ARHGEF10: variants seen among roughly 807,000 people sequenced by gnomAD.
ARHGEF10 encodes the protein Rho guanine nucleotide exchange factor 10.
In ARHGEF10, 140 loss-of-function variants were observed where a neutral mutation model predicts 147.4. The ratio of observed to expected loss-of-function variants is 0.95; its 90% confidence interval spans 0.83 to 1.09. The LOEUF is 1.09. Among genes scored for constraint, ARHGEF10 ranks in the 50% least tolerant of loss-of-function variants. ARHGEF10 has a pLI of 0.00. For synonymous variants in ARHGEF10, 902 were observed against 695.8 expected, an observed-to-expected ratio of 1.30 and a Z score of -4.67; for missense variants, 2,222 against 1,752.7, an observed-to-expected ratio of 1.27 and a Z score of -4.78.
intron 9 of ARHGEF10, among the ~76,000 whole-genome samples, chr8:1,881,887 G>A (rs1347363042): frequency 6.6e-6 from 1 of 152,172 alleles, no homozygotes; most frequent in Non-Finnish European, 1.5e-5. Flanking sequence ...TTTTAAAGAC[G>A]AAATCACTCA....
At chr8:1,854,933 C>G (rs548649304) in intron 2 of ARHGEF10, among the ~76,000 whole-genome samples, 4 of 152,018 alleles carry the variant, frequency 2.6e-5, no homozygotes, top group African/African-American at 9.7e-5. Context: ...ATGCACTGTC[C>G]CAGGTAATCC....
rs746051457 is a variant in ARHGEF10 at position 1,857,974 on chromosome 8, TATG to T, written c.55_57del (p.Asp19del). The stretch of plus-strand genomic sequence containing the variant: ...TTTCTTTTTAGAAAATGAAATGAAA[TATG>T]ATACCAATAATAATGAAGAGGAAGA... On this transcript the variant is annotated inframe_deletion, in exon 3 of 29. Transcript: ENST00000349830. 4.3e-6 allele frequency: 7 copies of T among 1,613,786 alleles called. No homozygotes were observed. The highest frequency in any genetic ancestry group is 1.7e-5 in the Admixed American group (1 of 59,976).
chr8:1,923,911 G>T, intron 21 of ARHGEF10, 37 bp downstream of exon 21: 4 of 1,591,940 alleles, frequency 2.5e-6, no homozygotes, highest in Non-Finnish European at 3.4e-6. Flanking sequence ...TGAGGCATGC[G>T]GCGTGATGAT....
rs568273442 is a variant in ARHGEF10, at chr8:1,842,372, T to C, written c.-47-981T>C. Among the ~76,000 whole-genome samples the C allele has an allele frequency of 2.0e-5, 3 of 152,304 alleles. No homozygotes were observed. The South Asian group carries it at 6.2e-4, about 32-fold the overall frequency. ...AGGATAAGGGAATTCGCCGGCCTGGTGGCGTCCTGGGTGTGTGTCAGGCAG... is the reference window on the plus strand; with the variant it reads ...AGGATAAGGGAATTCGCCGGCCTGGCGGCGTCCTGGGTGTGTGTCAGGCAG... On this transcript the variant is annotated intron_variant, in intron 1 of 28. Transcript: ENST00000349830.
chr8:1,908,511 C>T (rs1167606642), intron 17 of ARHGEF10, among the ~76,000 whole-genome samples: 3 of 152,122 alleles, frequency 2.0e-5, no homozygotes, highest in South Asian at 2.1e-4. Context: ...GGATTACAGG[C>T]GTGAGCCACC....
intron 26 of ARHGEF10, among the ~76,000 whole-genome samples, chr8:1,942,739 G>C (rs1408168210): frequency 6.6e-6 from 1 of 152,214 alleles, no homozygotes; most frequent in Non-Finnish European, 1.5e-5. Flanking sequence ...TCATACATGA[G>C]GATTGGTTTC....
At chr8:1,850,064 GGCTGCGTGGA>G (rs1563173926) in intron 2 of ARHGEF10, among the ~76,000 whole-genome samples, 1 of 106,558 alleles carries the variant, frequency 9.4e-6, no homozygotes, top group African/African-American at 3.7e-5. Context: ...GGCGTGGGCC[GGCTGCGTGGA>G]CACAGAGGGC....
chr8:1,925,159 G>A, intron 21 of ARHGEF10, 124 bp from the exon 22 acceptor site: 1 of 1,165,342 alleles, frequency 8.6e-7, no homozygotes, highest in African/African-American at 1.5e-5. Context: ...AGTAAAACAT[G>A]GCGTTGTCTG....
At chr8:1,848,196 A>C (rs533220725) in intron 2 of ARHGEF10, among the ~76,000 whole-genome samples, 1 of 152,266 alleles carries the variant, frequency 6.6e-6, no homozygotes. Context: ...TCCTCTCTTC[A>C]GTATCTCTGT....
intron 2 of ARHGEF10, among the ~76,000 whole-genome samples, chr8:1,846,526 G>T (rs1033844260): frequency 5.9e-5 from 9 of 152,012 alleles, no homozygotes; most frequent in African/African-American, 2.2e-4. Context: ...CACTTTTCTG[G>T]TTTTTTTCCC....
intron 2 of ARHGEF10, among the ~76,000 whole-genome samples, chr8:1,850,661 A>C (rs929740507): frequency 1.3e-5 from 2 of 152,132 alleles, no homozygotes; most frequent in Non-Finnish European, 2.9e-5. Flanking sequence ...ACCTGAGCAC[A>C]CTCTTACCGT....
chr8:1,878,340 C>T (rs1807883850), intron 8 of ARHGEF10, among the ~76,000 whole-genome samples: 2 of 152,122 alleles, frequency 1.3e-5, no homozygotes, highest in South Asian at 4.2e-4. Flanking sequence ...TAGGCACCTT[C>T]CACTACCAGC....
chr8:1,859,815 G>C, intron 3 of ARHGEF10, 82 bp from the exon 4 acceptor site: 2 of 1,547,132 alleles, frequency 1.3e-6, no homozygotes, highest in Non-Finnish European at 1.8e-6. Context: ...GCTCATACCT[G>C]CTTCCCACTT....
rs1804331818 is a variant in ARHGEF10, at chr8:1,844,245, C to G, written c.37+809C>G. On this transcript the variant is annotated intron_variant, in intron 2 of 28. Coordinates refer to ENST00000349830, the MANE Select transcript of ARHGEF10 (RefSeq NM_014629.4). Reference sequence around the variant, plus strand: ...TGCTGGGATTTGGTCGTCTGTGCCCCCCAACTACGTGGACACTCTGGGCCC... The same window carrying G: ...TGCTGGGATTTGGTCGTCTGTGCCCGCCAACTACGTGGACACTCTGGGCCC... Among the ~76,000 whole-genome samples, 2 of 152,108 alleles carry G rather than the reference C, an allele frequency of 1.3e-5. 1 individual carries two copies. Among genetic ancestry groups the G allele is most frequent in the South Asian group, 4.2e-4 (2 of 4,818 alleles).
chr8:1,952,612 C>G, intron 27 of ARHGEF10, 93 bp from the exon 28 acceptor site: 2 of 1,542,698 alleles, frequency 1.3e-6, no homozygotes, highest in Non-Finnish European at 1.8e-6. Flanking sequence ...GGTGGTGGCA[C>G]GACAGGCCTG....
intron 8 of ARHGEF10, among the ~76,000 whole-genome samples, chr8:1,879,389 T>A (rs1473903095): frequency 6.6e-6 from 1 of 152,162 alleles, no homozygotes; most frequent in Non-Finnish European, 1.5e-5. Context: ...TTTTATGTAT[T>A]TTTATTTATT....
chr8:1,876,892 G>A (rs1405392412), intron 8 of ARHGEF10, among the ~76,000 whole-genome samples, 158 bp downstream of exon 8: 3 of 152,230 alleles, frequency 2.0e-5, no homozygotes, highest in Non-Finnish European at 2.9e-5. Context: ...AGGAGAAGAC[G>A]TGTCTTGTTT....
intron 1 of ARHGEF10, chr8:1,826,000 G>T (rs118182537): frequency 1.3e-5 from 12 of 894,476 alleles, no homozygotes; most frequent in Admixed American, 4.4e-5. Flanking sequence ...AGGTTTACAC[G>T]TCATGTATTT....
In ARHGEF10 at chr8:1,878,384, A is replaced by G. The variant is rs189826289; in HGVS notation, c.843+1650A>G. ...GTATTTTTAGTAGAGACGGGGTTTCACCATATTGGCCAGGCTGGTCTCGAA... is the reference window on the plus strand; with the variant it reads ...GTATTTTTAGTAGAGACGGGGTTTCGCCATATTGGCCAGGCTGGTCTCGAA... On this transcript the variant is annotated intron_variant, in intron 8 of 28. Coordinates refer to ENST00000349830, the MANE Select transcript of ARHGEF10 (RefSeq NM_014629.4). Among the ~76,000 whole-genome samples the G allele has an allele frequency of 3.3e-4, 50 of 152,084 alleles. 2 individuals carry two copies. The East Asian group carries it at 8.1e-3, about 25-fold the overall frequency.
Sources: gnomAD v4.1 joint callset for allele counts (sites outside exome capture counted in the v4.1 genomes callset) on GRCh38, gnomAD v4.1.1 for gene constraint, MANE v1.5 for transcripts, NCBI Gene and HGNC (gene_info 2026-07-23, HGNC 2026-07-21) for gene names.